NAALADL2: variants seen among roughly 807,000 people sequenced by gnomAD.
NAALADL2 encodes N-acetylated alpha-linked acidic dipeptidase like 2.
Under a neutral mutation model 87.2 loss-of-function variants are expected in NAALADL2, and 76 were observed. That is an observed-to-expected ratio of 0.87 (90% CI 0.72 to 1.05). The LOEUF is 1.05. NAALADL2 is among the 50% of genes least tolerant of loss of function. The probability of loss-of-function intolerance (pLI) is 0.00; values close to 1 mark genes in which losing one functional copy is unlikely to be tolerated. For missense variants in NAALADL2, 1,089 were observed against 945.8 expected (o/e 1.15, Z -1.99); for synonymous variants, 354 against 331.0 (o/e 1.07, Z -0.75).
chr3:175,218,069 T>G (rs1472444906), intron 2 of NAALADL2: 2 of 425,692 alleles, frequency 4.7e-6, no homozygotes, highest in Non-Finnish European at 9.3e-6. Flanking sequence ...TTTGGCTAAA[T>G]TTTTAGGATA....
Position 175,054,725 on chromosome 3 carries a change from C to T in NAALADL2, c.44-42065C>T, listed in dbSNP as rs114777563. 9.9e-3 allele frequency among the ~76,000 whole-genome samples: 1,505 copies of T among 152,288 alleles called. 34 individuals are homozygous for T. Among genetic ancestry groups the T allele is most frequent in the African/African-American group, 0.034 (1,418 of 41,564 alleles). On this transcript the variant is annotated intron_variant, in intron 1 of 13. Coordinates refer to ENST00000454872, the MANE Select transcript of NAALADL2 (RefSeq NM_207015.3). ...TCTTAAACCTTGGTGGGAACTTTGT[C>T]TTTCCCCTTGAAGCGGTTCCTTCAA...
At chr3:175,712,927 G>A (rs918082495) in intron 11 of NAALADL2, among the ~76,000 whole-genome samples, 2 of 151,992 alleles carry the variant, frequency 1.3e-5, no homozygotes, top group African/African-American at 2.4e-5. Context: ...GATTTGGGGG[G>A]TTAGATTGCT....
intron 1 of NAALADL2, chr3:174,441,119 C>T (rs1337502306): frequency 6.6e-6 from 1 of 152,294 alleles, no homozygotes; most frequent in Non-Finnish European, 1.5e-5. Context: ...CGGTCCGTGT[C>T]TCCTTGCTCC....
chr3:174,477,623 C>T (rs1298459416), intron 1 of NAALADL2, among the ~76,000 whole-genome samples: 2 of 152,176 alleles, frequency 1.3e-5, no homozygotes, highest in Non-Finnish European at 2.9e-5. Context: ...AATAATAACA[C>T]ACCATTAAAA....
intron 3 of NAALADL2, among the ~76,000 whole-genome samples, chr3:174,819,942 A>C (rs55899857): frequency 6.6e-6 from 1 of 152,078 alleles, no homozygotes; most frequent in East Asian, 1.9e-4. Flanking sequence ...TCCCTTCCTA[A>C]TCCAATTTCT....
intron 9 of NAALADL2, among the ~76,000 whole-genome samples, chr3:175,475,338 T>C (rs187082321): frequency 4.4e-4 from 67 of 152,314 alleles, no homozygotes; most frequent in African/African-American, 1.6e-3. Flanking sequence ...AGATAAGATT[T>C]ATCTTCAAAT....
At chr3:174,613,220 G>T (rs754051279) in intron 2 of NAALADL2, among the ~76,000 whole-genome samples, 5 of 152,154 alleles carry the variant, frequency 3.3e-5, no homozygotes, top group Non-Finnish European at 7.3e-5. Context: ...CCATCACCAG[G>T]ACTGTGCTGG....
intron 11 of NAALADL2, among the ~76,000 whole-genome samples, chr3:175,665,813 C>G (rs925882089): frequency 5.3e-5 from 8 of 152,098 alleles, no homozygotes; most frequent in Non-Finnish European, 1.2e-4. Context: ...TGCCTGTAGT[C>G]CCAGCTACTA....
intron 4 of NAALADL2, among the ~76,000 whole-genome samples, chr3:175,270,502 C>T (rs1297475549): frequency 6.6e-6 from 1 of 152,156 alleles, no homozygotes; most frequent in East Asian, 1.9e-4. Context: ...ATGTGAATTG[C>T]TGTTGAATTT....
intron 1 of NAALADL2, among the ~76,000 whole-genome samples, chr3:175,026,580 G>C (rs79772585): frequency 0.11 from 16,235 of 151,594 alleles, 1,038 homozygotes; most frequent in East Asian, 0.25. Flanking sequence ...GCTTGAACCT[G>C]GTAGGCAGAG....
intron 1 of NAALADL2, among the ~76,000 whole-genome samples, chr3:175,011,579 A>G (rs936955577): frequency 2.6e-5 from 4 of 152,204 alleles, no homozygotes; most frequent in Admixed American, 6.5e-5. Context: ...GCCTTATTCC[A>G]TTCTGGCCTA....
At chr3:174,932,907 C>G (rs1737136246) in intron 1 of NAALADL2, among the ~76,000 whole-genome samples, 1 of 152,156 alleles carries the variant, frequency 6.6e-6, no homozygotes, top group Non-Finnish European at 1.5e-5. Flanking sequence ...CACCTGAGGT[C>G]AGAAGTTGGA....
At chr3:174,703,579 G>A (rs547578304) in intron 2 of NAALADL2, among the ~76,000 whole-genome samples, 1 of 152,154 alleles carries the variant, frequency 6.6e-6, no homozygotes, top group African/African-American at 2.4e-5. Context: ...AGACTTATTA[G>A]TGAAGTATAT....
intron 3 of NAALADL2, among the ~76,000 whole-genome samples, chr3:175,244,043 A>G (rs1747504895): frequency 6.6e-6 from 1 of 152,162 alleles, no homozygotes; most frequent in African/African-American, 2.4e-5. Context: ...CAACACAGCA[A>G]CGATGTCTCT....
chr3:174,873,532 C>T (rs1728121615), intron 1 of NAALADL2, among the ~76,000 whole-genome samples: 2 of 152,042 alleles, frequency 1.3e-5, no homozygotes, highest in Admixed American at 6.6e-5. Context: ...GGATTACAGA[C>T]ATGAGCCACC....
intron 3 of NAALADL2, among the ~76,000 whole-genome samples, chr3:174,755,559 A>G (rs898988500): frequency 2.6e-5 from 4 of 152,208 alleles, no homozygotes; most frequent in African/African-American, 7.2e-5. Flanking sequence ...TAACATGTAT[A>G]TAGCTTGCCT....
intron 1 of NAALADL2, among the ~76,000 whole-genome samples, chr3:174,485,913 T>A (rs755926195): frequency 2.2e-4 from 33 of 151,998 alleles, no homozygotes; most frequent in Non-Finnish European, 3.5e-4. Flanking sequence ...TTTTTGTATA[T>A]GATTTAAGGA....
At chr3:174,624,663 T>G (rs1489468052) in intron 2 of NAALADL2, among the ~76,000 whole-genome samples, 3 of 151,916 alleles carry the variant, frequency 2.0e-5, no homozygotes, top group Middle Eastern at 3.4e-3. Flanking sequence ...GAGATTGGAC[T>G]ACTGTGATCT....
At chr3:175,276,185 C>T (rs1033867061) in intron 4 of NAALADL2, among the ~76,000 whole-genome samples, 1 of 148,764 alleles carries the variant, frequency 6.7e-6, no homozygotes, top group South Asian at 2.1e-4. Flanking sequence ...ATTATTTAAA[C>T]AGAATTAATC....
Sources: gnomAD v4.1 joint callset for allele counts (sites outside exome capture counted in the v4.1 genomes callset) on GRCh38, gnomAD v4.1.1 for gene constraint, MANE v1.5 for transcripts, NCBI Gene and HGNC (gene_info 2026-07-23, HGNC 2026-07-21) for gene names.